The following SLC25A6 variants were observed in gnomAD, a reference collection of about 807,000 sequenced individuals.
The protein encoded by SLC25A6 is ADP/ATP translocase 3.
A neutral mutation model predicts 25.7 loss-of-function variants in SLC25A6; 9 were observed. The observed-to-expected ratio is 0.35, with a 90% confidence interval of 0.21 to 0.61. The LOEUF is 0.61. Ranked by LOEUF, SLC25A6 falls within the 20% of genes least tolerant of loss-of-function variation. The pLI is 0.76. For synonymous variants in SLC25A6, 223 were observed against 197.0 expected (o/e 1.13, Z -1.11); for missense variants, 404 against 440.5 (o/e 0.92, Z 0.74).
rs374307479 is a variant in SLC25A6 at position 1,389,272 on chromosome X, C to T, written c.567G>A (p.Ala189=). Residue 189 remains alanine, a synonymous_variant, in exon 2 of 4, where the codon GCG becomes GCA. Transcript: ENST00000381401. Reference sequence around the variant, plus strand: ...CCGTATCGTACACGCCGAAGTAGGCCGCCCGGTAGATGATGATGCCCTGCA... The same window carrying T: ...CCGTATCGTACACGCCGAAGTAGGCTGCCCGGTAGATGATGATGCCCTGCA... ...VSVQGIIIYR[A]AYFGVYDTAK... 25 of 1,613,610 alleles carry T rather than the reference C, an allele frequency of 1.5e-5. No homozygotes were observed. In the African/African-American group the frequency reaches 2.1e-4, roughly 14 times the overall value.
chrX:1,389,772 C>G, intron 1 of SLC25A6, 45 bp from the exon 2 acceptor site: 1 of 1,594,958 alleles, frequency 6.3e-7, no homozygotes, highest in Non-Finnish European at 8.6e-7. Context: ...GGGCCAACCA[C>G]CCAGAAACAT....
chrX:1,389,824 T>C lies in SLC25A6; in HGVS notation c.112-97A>G, dbSNP rs1424054908. 59 of 1,543,128 alleles carry C rather than the reference T, an allele frequency of 3.8e-5. No individual in the cohort carries two copies. In the African/African-American group the frequency reaches 6.7e-4, roughly 17 times the overall value. On this transcript the variant is annotated intron_variant, in intron 1 of 3. Coordinates refer to ENST00000381401, the MANE Select transcript of SLC25A6 (RefSeq NM_001636.4). ...ATCCTTTTTTTGACACAAGTCACTCTTGTTGCCCAAGCTGGAGTGCAATGG... is the reference window on the plus strand; with the variant it reads ...ATCCTTTTTTTGACACAAGTCACTCCTGTTGCCCAAGCTGGAGTGCAATGG...
At chrX:1,387,029 T>G (rs1303072092) in intron 3 of SLC25A6, among the ~76,000 whole-genome samples, 15 of 151,976 alleles carry the variant, frequency 9.9e-5, no homozygotes, top group African/African-American at 3.6e-4. Flanking sequence ...GGATCGAGGG[T>G]GTGGGTGCAA....
rs367802939 is a variant in SLC25A6, at chrX:1,389,328, G to A, written c.511C>T (p.Arg171Trp). The change falls in exon 2 of 4, where the codon CGG becomes TGG. Residue 171 changes from arginine to tryptophan, a missense_variant. Arg to Trp is a moderately radical substitution (Grantham distance 101). Coordinates refer to ENST00000381401, the MANE Select transcript of SLC25A6 (RefSeq NM_001636.4). ...LVKITKSDGI[R>W]GLYQGFSVSV... ...ACACTGAAGCCCTGGTACAGGCCCC[G>A]GATGCCGTCGGACTTGGTGATCTTC... 1.2e-5 allele frequency: 19 copies of A among 1,613,752 alleles called. No individual in the cohort carries two copies. Among genetic ancestry groups the A allele is most frequent in the Admixed American group, 3.3e-5 (2 of 59,992 alleles).
At chrX:1,390,097 C>T in intron 1 of SLC25A6, 1 of 287,160 alleles carries the variant, frequency 3.5e-6, no homozygotes, top group African/African-American at 2.1e-5. Flanking sequence ...CTGCAGCCTC[C>T]AACTCCTGGA....
At position 1,391,986 on chromosome X, in the gene SLC25A6, G is replaced by A. The variant is rs746152490; in HGVS notation, c.24C>T (p.Phe8=). The A allele has an allele frequency of 5.6e-6, 9 of 1,608,818 alleles. No homozygotes were observed. Among genetic ancestry groups the A allele is most frequent in the Admixed American group, 5.0e-5 (3 of 59,704 alleles). Residue 8 remains phenylalanine (F), a synonymous_variant, in exon 1 of 4, where the codon TTC becomes TTT. Coordinates refer to ENST00000381401, the MANE Select transcript of SLC25A6 (RefSeq NM_001636.4). Reference sequence around the variant, plus strand: ...TGCCTCCGGCCAAGAAGTCTTTGGCGAAGGAGATGGCCTGTTCCGTCATGG... The same window carrying A: ...TGCCTCCGGCCAAGAAGTCTTTGGCAAAGGAGATGGCCTGTTCCGTCATGG... The part of the protein sequence containing the change: MTEQAIS[F]AKDFLAGGIA...
Position 1,386,540 on chromosome X carries a change from G to A in SLC25A6, c.*62C>T. On this transcript the variant is annotated 3_prime_UTR_variant, in exon 4 of 4. Coordinates refer to ENST00000381401, the MANE Select transcript of SLC25A6 (RefSeq NM_001636.4). ...AAGGTTGATGGTCCGCACGGTTGAG[G>A]ATTCTACGTGGTTCTCTTGGTTCCC... 4.2e-6 allele frequency: 6 copies of A among 1,440,156 alleles called. No homozygotes were observed. The highest frequency in any genetic ancestry group is 5.5e-6 in the Non-Finnish European group (6 of 1,093,886). The allele number at this position is 1,440,156 out of a possible 1,614,324, so 89.2% of individuals were successfully genotyped here.
intron 2 of SLC25A6, among the ~76,000 whole-genome samples, chrX:1,388,036 C>T (rs1183441374): frequency 6.6e-6 from 1 of 150,716 alleles, no homozygotes; most frequent in African/African-American, 2.4e-5. Flanking sequence ...CCGGGAGAAT[C>T]AATGTCTGCT....
In SLC25A6 at chrX:1,389,533, G is replaced by A. The variant is rs138672404; in HGVS notation, c.306C>T (p.Gly102=). 1.8e-3 allele frequency: 2,881 copies of A among 1,614,172 alleles called. 44 individuals are homozygous for A. The African/African-American group carries it at 0.032, about 18-fold the overall frequency. The change falls in exon 2 of 4, where the codon GGC becomes GGT. Residue 102 remains glycine, a synonymous_variant. Coordinates refer to ENST00000381401, the MANE Select transcript of SLC25A6 (RefSeq NM_001636.4). The part of the protein sequence containing the change: ...KDKYKQIFLG[G]VDKHTQFWRY... ...TCCAGAACTGCGTGTGCTTGTCCAC[G>A]CCCCCCAGGAAGATCTGCTTGTACT...
chrX:1,388,579 A>AT (rs2089358417), intron 2 of SLC25A6, among the ~76,000 whole-genome samples: 2 of 151,278 alleles, frequency 1.3e-5, no homozygotes, highest in African/African-American at 4.9e-5. Context: ...GACATCTCAT[A>AT]ACAAGAGATG....
Position 1,389,338 on chromosome X carries a change from G to A in SLC25A6, c.501C>T (p.Ser167=), listed in dbSNP as rs770300708. Residue 167 remains serine, a synonymous_variant, in exon 2 of 4, where the codon TCC becomes TCT. Transcript: ENST00000381401. ...LGDCLVKITK[S]DGIRGLYQGF... is the part of the protein sequence containing the mutation. Reference sequence around the variant, plus strand: ...CCTGGTACAGGCCCCGGATGCCGTCGGACTTGGTGATCTTCACCAGGCAGT... The same window carrying A: ...CCTGGTACAGGCCCCGGATGCCGTCAGACTTGGTGATCTTCACCAGGCAGT... The A allele has an allele frequency of 1.1e-5, 17 of 1,613,670 alleles. No homozygotes were observed. The highest frequency in any genetic ancestry group is 1.7e-4 in the Middle Eastern group (1 of 6,014).
intron 2 of SLC25A6, among the ~76,000 whole-genome samples, chrX:1,388,120 G>A (rs1313150849): frequency 6.6e-6 from 1 of 151,636 alleles, no homozygotes; most frequent in Admixed American, 6.6e-5. Flanking sequence ...AAGAAGAGCA[G>A]ATAAGGACAC....
chrX:1,392,020 C>G lies in SLC25A6; in HGVS notation c.-11G>C, dbSNP rs772689092. ...GGCCTGTTCCGTCATGGTGGCAGGGCGGGCAGCGGAACGGGAGGACAGCCG... is the reference window on the plus strand; with the variant it reads ...GGCCTGTTCCGTCATGGTGGCAGGGGGGGCAGCGGAACGGGAGGACAGCCG... On this transcript the variant is annotated 5_prime_UTR_variant, in exon 1 of 4. Transcript: ENST00000381401. The G allele has an allele frequency of 6.3e-7, 1 of 1,595,196 alleles. No homozygotes were observed. The highest frequency in any genetic ancestry group is 8.5e-7 in the Non-Finnish European group (1 of 1,169,996).
chrX:1,389,447 A>C lies in SLC25A6; in HGVS notation c.392T>G (p.Val131Gly). 6.2e-7 allele frequency: 1 copy of C among 1,613,944 alleles called. No homozygotes were observed. The highest frequency in any genetic ancestry group is 8.5e-7 in the Non-Finnish European group (1 of 1,179,918). Residue 131 changes from valine to glycine, a missense_variant, in exon 2 of 4, where the codon GTG becomes GGG. Physicochemically the swap from Val to Gly is moderately radical, Grantham distance 109. Coordinates refer to ENST00000381401, the MANE Select transcript of SLC25A6 (RefSeq NM_001636.4). Reference sequence around the variant, plus strand: ...GGTTCTGGCGAAATCCAGCGGGTACACGAAGCAGAGGGAGGTCGCGCCGGC... The same window carrying C: ...GGTTCTGGCGAAATCCAGCGGGTACCCGAAGCAGAGGGAGGTCGCGCCGGC... ...GAAGATSLCFVYPLDFARTRL... is the reference protein window; with the variant it reads ...GAAGATSLCFGYPLDFARTRL...
rs1366684994 is a variant in SLC25A6, at chrX:1,391,939, G to A, written c.71C>T (p.Thr24Met). The change falls in exon 1 of 4, where the codon ACG (threonine) becomes ATG (methionine). Residue 24 changes from threonine to methionine, a missense_variant. Coordinates refer to ENST00000381401, the MANE Select transcript of SLC25A6 (RefSeq NM_001636.4). ...GACCCGCTCGATCGGAGCCACGGCC[G>A]TCTTGGAGATGGCGGCGGCGATGCC... ...AGGIAAAISK[T>M]AVAPIERVKL... 17 of 1,609,550 alleles carry A rather than the reference G, an allele frequency of 1.1e-5. No homozygotes were observed. The highest frequency in any genetic ancestry group is 1.3e-5 in the Non-Finnish European group (15 of 1,178,910).
chrX:1,388,358 C>G (rs1289751293), intron 2 of SLC25A6, among the ~76,000 whole-genome samples: 1 of 136,992 alleles, frequency 7.3e-6, no homozygotes, highest in Non-Finnish European at 1.6e-5. Context: ...GAAGAGGACA[C>G]GAGGACACAG....
chrX:1,386,691 A>T lies in SLC25A6; in HGVS notation c.808T>A (p.Phe270Ile). The T allele has an allele frequency of 1.2e-6, 2 of 1,612,976 alleles. No individual in the cohort carries two copies. The change falls in exon 4 of 4, where the codon TTC becomes ATC. Residue 270 changes from phenylalanine to isoleucine, a missense_variant. Physicochemically the swap from Phe to Ile is conservative, Grantham distance 21. Coordinates refer to ENST00000381401, the MANE Select transcript of SLC25A6 (RefSeq NM_001636.4). ...ACGTTGGACCACGCACCCTTGAAGA[A>T]GGCCTTGCCCCCCTCATCTCTGAAG... ...KIFRDEGGKA[F>I]FKGAWSNVLR...
chrX:1,389,308 G>A lies in SLC25A6; in HGVS notation c.531C>T (p.Phe177=), dbSNP rs1178726978. The change falls in exon 2 of 4, where the codon TTC becomes TTT. Residue 177 remains phenylalanine, a synonymous_variant. Coordinates refer to ENST00000381401, the MANE Select transcript of SLC25A6 (RefSeq NM_001636.4). The part of the protein sequence containing the change: ...SDGIRGLYQG[F]SVSVQGIIIY... Reference sequence around the variant, plus strand: ...TGATGATGCCCTGCACGGAGACACTGAAGCCCTGGTACAGGCCCCGGATGC... The same window carrying A: ...TGATGATGCCCTGCACGGAGACACTAAAGCCCTGGTACAGGCCCCGGATGC... 2.2e-5 allele frequency: 35 copies of A among 1,613,794 alleles called. No homozygotes were observed. The highest frequency in any genetic ancestry group is 2.7e-5 in the Non-Finnish European group (32 of 1,179,880).
At position 1,386,504 on chromosome X, in the gene SLC25A6, G is replaced by C. The variant is rs1395543882; in HGVS notation, c.*98C>G. On this transcript the variant is annotated 3_prime_UTR_variant, in exon 4 of 4. Coordinates refer to ENST00000381401, the MANE Select transcript of SLC25A6 (RefSeq NM_001636.4). ...GGATGCGGCTGGGAAAAAGACAACT[G>C]GAATTTCTCGAAGGTTGATGGTCCG... 6 of 1,334,302 alleles carry C rather than the reference G, an allele frequency of 4.5e-6. No homozygotes were observed. The highest frequency in any genetic ancestry group is 3.9e-6 in the Non-Finnish European group (4 of 1,027,984). The allele number at this position is 1,334,302 out of a possible 1,614,324, so 82.7% of individuals were successfully genotyped here.
Sources: allele counts gnomAD v4.1 joint callset (sites outside exome capture counted in the v4.1 genomes callset), GRCh38; gene constraint gnomAD v4.1.1; transcripts MANE v1.5; gene names NCBI Gene and HGNC (gene_info 2026-07-23, HGNC 2026-07-21).